Variants in EZH1 observed in about 807,000 individuals in gnomAD.
The protein encoded by EZH1 is enhancer of zeste 1 polycomb repressive complex 2 subunit.
A neutral mutation model predicts 100.5 loss-of-function variants in EZH1; 33 were observed. The observed-to-expected ratio is 0.33, with a 90% CI of 0.25 to 0.44. The LOEUF (loss-of-function observed/expected upper bound fraction) is 0.44, where lower values mean the gene tolerates loss of function less well. EZH1 is among the 20% of genes least tolerant of loss of function. The probability of loss-of-function intolerance (pLI) is 1.00; values close to 1 mark genes in which losing one functional copy is unlikely to be tolerated. For synonymous variants in EZH1, 272 were observed against 313.8 expected, an observed-to-expected ratio of 0.87 and a Z score of 1.41; for missense variants, 475 against 928.4, an observed-to-expected ratio of 0.51 and a Z score of 6.35.
intron 12 of EZH1, among the ~76,000 whole-genome samples, chr17:42,711,291 T>C (rs1010204353): frequency 2.6e-5 from 4 of 152,258 alleles, no homozygotes; most frequent in South Asian, 4.1e-4. Context: ...CTGGCCAACA[T>C]GGTGAAACCC....
At chr17:42,740,166 G>GC (rs2054149589) in intron 1 of EZH1, among the ~76,000 whole-genome samples, 1 of 151,960 alleles carries the variant, frequency 6.6e-6, no homozygotes, top group Non-Finnish European at 1.5e-5. Context: ...TTTGGCCCCA[G>GC]CCTCCCTAGT....
At chr17:42,730,401 A>C (rs2053916420) in intron 2 of EZH1, among the ~76,000 whole-genome samples, 1 of 152,072 alleles carries the variant, frequency 6.6e-6, no homozygotes, top group Admixed American at 6.6e-5. Flanking sequence ...CCAAGTCAGC[A>C]GCAAGACATA....
intron 12 of EZH1, among the ~76,000 whole-genome samples, chr17:42,710,629 GTTTTTTTT>G (rs1205688200): frequency 7.1e-6 from 1 of 139,950 alleles, no homozygotes; most frequent in Non-Finnish European, 1.6e-5. Flanking sequence ...GTTTTTGTTT[GTTTTTTTT>G]TTTTTTTTTT....
intron 1 of EZH1, among the ~76,000 whole-genome samples, chr17:42,738,328 T>A (rs1014649461): frequency 9.9e-5 from 15 of 152,052 alleles, no homozygotes; most frequent in Non-Finnish European, 2.2e-4. Flanking sequence ...GCAAATTCAG[T>A]GTCTTTGATA....
intron 16 of EZH1, chr17:42,705,756 G>A (rs766712138): frequency 1.6e-5 from 5 of 315,270 alleles, no homozygotes; most frequent in Non-Finnish European, 2.9e-5. Context: ...TTGACCTCAT[G>A]ATCCGCTGGC....
Position 42,727,651 on chromosome 17 carries a change from T to C in EZH1, c.230A>G (p.His77Arg). 6.2e-7 allele frequency: 1 copy of C among 1,613,080 alleles called. No homozygotes were observed. The highest frequency in any genetic ancestry group is 8.5e-7 in the Non-Finnish European group (1 of 1,179,552). Residue 77 changes from histidine to arginine, a missense_variant, in exon 4 of 21, where the codon CAC becomes CGC. His to Arg is a conservative substitution (Grantham distance 29, BLOSUM62 0). Around this residue, in one of 8 missense-constraint regions of EZH1, gnomAD observed 105 missense variants for 129.8 expected, o/e 0.81. Coordinates refer to ENST00000428826, the MANE Select transcript of EZH1 (RefSeq NM_001991.5). ...CAAAAGTACCTTTTTGAGAAAAGGG[T>C]GTCCACTCACAGGCTTCATTGACTG... is the stretch of plus-strand genomic sequence containing the variant. ...PVQSMKPVSG[H>R]PFLKKCTIES...
intron 4 of EZH1, among the ~76,000 whole-genome samples, chr17:42,726,572 T>C (rs1223707189): frequency 2.0e-5 from 3 of 151,394 alleles, no homozygotes; most frequent in African/African-American, 7.3e-5. Context: ...AGTACAATGG[T>C]GCCATCTCAG....
At chr17:42,731,110 T>C (rs1176524127) in intron 1 of EZH1, among the ~76,000 whole-genome samples, 192 bp from the exon 2 acceptor site, 1 of 152,036 alleles carries the variant, frequency 6.6e-6, no homozygotes, top group African/African-American at 2.4e-5. Flanking sequence ...TTAAATTCTA[T>C]TTTTTCATAA....
chr17:42,705,243 T>C, intron 16 of EZH1, 60 bp from the exon 17 acceptor site: 1 of 883,214 alleles, frequency 1.1e-6, no homozygotes, highest in South Asian at 1.4e-5. Flanking sequence ...GGGTGTGTGC[T>C]GGATGTGCAC....
chr17:42,715,145 T>TAC (rs2053574777), intron 10 of EZH1, among the ~76,000 whole-genome samples: 5 of 134,470 alleles, frequency 3.7e-5, no homozygotes, highest in Non-Finnish European at 7.6e-5. Flanking sequence ...ATTTATATAT[T>TAC]ATATATTATA....
At chr17:42,708,582 G>A (rs887706647) in intron 14 of EZH1, among the ~76,000 whole-genome samples, 3 of 152,192 alleles carry the variant, frequency 2.0e-5, no homozygotes, top group Non-Finnish European at 4.4e-5. Flanking sequence ...TTGAACCCGG[G>A]AGGCGGAGGT....
chr17:42,712,899 G>C (rs1166001768), intron 11 of EZH1, among the ~76,000 whole-genome samples: 1 of 151,932 alleles, frequency 6.6e-6, no homozygotes, highest in Non-Finnish European at 1.5e-5. Flanking sequence ...TTAGCCGGGC[G>C]TGGTGGCAGG....
intron 1 of EZH1, among the ~76,000 whole-genome samples, chr17:42,735,748 G>A (rs1296457921): frequency 6.6e-6 from 1 of 152,218 alleles, no homozygotes; most frequent in African/African-American, 2.4e-5. Context: ...AGCACTTTGG[G>A]AGGTCAAGGC....
chr17:42,742,989 C>T (rs1168482315), intron 1 of EZH1, among the ~76,000 whole-genome samples: 2 of 151,986 alleles, frequency 1.3e-5, no homozygotes, highest in Admixed American at 1.3e-4. Context: ...CGTGCCTCAA[C>T]CCCCTGAATA....
chr17:42,728,116 CT>C (rs748198083), intron 3 of EZH1, among the ~76,000 whole-genome samples: 216 of 117,212 alleles, frequency 1.8e-3, no homozygotes, highest in Non-Finnish European at 2.0e-3. Flanking sequence ...CGTGCCTGGC[CT>C]TTTTTTTTTT....
intron 10 of EZH1, among the ~76,000 whole-genome samples, chr17:42,716,219 A>C (rs1325475237): frequency 6.6e-6 from 1 of 152,172 alleles, no homozygotes; most frequent in Admixed American, 6.5e-5. Context: ...TACAATTTTT[A>C]TTAATTGTCC....
At chr17:42,720,200 A>G in intron 7 of EZH1, 73 bp downstream of exon 7, 2 of 1,510,836 alleles carry the variant, frequency 1.3e-6, no homozygotes, top group East Asian at 2.3e-5. Context: ...ATAGGCAACA[A>G]ATCTTTCCAG....
At chr17:42,729,485 T>C (rs1460007292) in intron 2 of EZH1, among the ~76,000 whole-genome samples, 1 of 151,940 alleles carries the variant, frequency 6.6e-6, no homozygotes, top group Non-Finnish European at 1.5e-5. Flanking sequence ...TCCCAGCACT[T>C]TGGGAGGCCA....
chr17:42,728,869 G>A lies in EZH1; in HGVS notation c.73C>T (p.Arg25Ter). 1 of 1,613,504 alleles carries A rather than the reference G, an allele frequency of 6.2e-7. No individual in the cohort carries two copies. The highest frequency in any genetic ancestry group is 8.5e-7 in the Non-Finnish European group (1 of 1,179,820). Residue 25 changes from arginine to a stop codon, truncating the protein, a stop_gained, in exon 3 of 21, where the codon CGA (arginine) becomes TGA (stop). Coordinates refer to ENST00000428826, the MANE Select transcript of EZH1 (RefSeq NM_001991.5). LOFTEE classifies it high-confidence loss of function. ...WKRKVKSEYM[R>*]LRQLKRLQAN... ...TGAAGCCGTTTAAGTTGTCGAAGTC[G>A]CATGTATTCAGATTTCACTTTTCTT... is the stretch of plus-strand genomic sequence containing the variant.
Sources: allele counts gnomAD v4.1 joint callset (sites outside exome capture counted in the v4.1 genomes callset), GRCh38; gene constraint gnomAD v4.1.1; regional missense constraint gnomAD v4.1.1; transcripts MANE v1.5; gene names NCBI Gene and HGNC (gene_info 2026-07-23, HGNC 2026-07-21).